Variants in CNTN2 observed in about 807,000 individuals in gnomAD.
CNTN2 encodes the protein contactin 2.
In CNTN2, 53 loss-of-function variants were observed where a neutral mutation model predicts 117.5. The ratio of observed to expected loss-of-function variants is 0.45; its 90% confidence interval spans 0.36 to 0.57. The LOEUF (loss-of-function observed/expected upper bound fraction) is 0.57, where lower values mean the gene tolerates loss of function less well. Among genes scored for constraint, CNTN2 ranks in the 20% least tolerant of loss-of-function variants. The pLI is 0.00. For synonymous variants in CNTN2, 530 were observed against 561.7 expected (o/e 0.94, Z 0.80); for missense variants, 1,106 against 1,404.3 (o/e 0.79, Z 3.39).
chr1:205,047,614 T>G (rs1394727849), intron 1 of CNTN2, among the ~76,000 whole-genome samples: 1 of 152,120 alleles, frequency 6.6e-6, no homozygotes, highest in Non-Finnish European at 1.5e-5. Flanking sequence ...GCTGTGCTAG[T>G]GCTTACCTAT....
At chr1:205,069,374 C>A in intron 16 of CNTN2, 117 bp from the exon 17 acceptor site, 1 of 960,812 alleles carries the variant, frequency 1.0e-6, no homozygotes. Context: ...GGGGGGCAAA[C>A]CCAGGGCCCA....
rs1036062286 is a variant in CNTN2 at position 205,077,955 on chromosome 1, T to A, written c.*4190T>A. ...ACTTCTTGTAATGATAGTTATTTAT[T>A]GACTCTGGTAGCAGGCAGTTCTTAA... On this transcript the variant is annotated 3_prime_UTR_variant, in exon 23 of 23. Coordinates refer to ENST00000331830, the MANE Select transcript of CNTN2 (RefSeq NM_005076.5). The A allele has an allele frequency of 6.6e-6, 1 of 152,202 alleles. No homozygotes were observed. The highest frequency in any genetic ancestry group is 1.5e-5 in the Non-Finnish European group (1 of 68,050). 9.4% of individuals were successfully genotyped at this position (152,202 alleles called of 1,614,324 possible). A position where few individuals can be genotyped will look rare whatever the true frequency, so the allele number is the denominator to read the frequency against.
chr1:205,059,024 A>AC lies in CNTN2; in HGVS notation c.488-57dup, dbSNP rs57918586. 226,945 of 1,497,916 alleles carry AC rather than the reference A, an allele frequency of 0.15. 21,928 individuals carry two copies. Among genetic ancestry groups the AC allele is most frequent in the East Asian group, 0.46 (19,952 of 43,524 alleles). The allele number at this position is 1,497,916 out of a possible 1,614,324, so 92.8% of individuals were successfully genotyped here. On this transcript the variant is annotated intron_variant, in intron 5 of 22. Coordinates refer to ENST00000331830, the MANE Select transcript of CNTN2 (RefSeq NM_005076.5). The surrounding 1 kb of genome is among the most constrained non-coding windows in gnomAD (Gnocchi z 5.6). Reference sequence around the variant, plus strand: ...AACCGCACCAGCATGCTGGGGTCCCACCCAGAGTGGCCCTGTTAGCCCAGC... The same window carrying AC: ...AACCGCACCAGCATGCTGGGGTCCCACCCCAGAGTGGCCCTGTTAGCCCAGC...
At chr1:205,063,521 C>T (rs950161141) in intron 10 of CNTN2, 2 of 151,592 alleles carry the variant, frequency 1.3e-5, no homozygotes, top group Non-Finnish European at 2.9e-5. Context: ...CCCAGCTACA[C>T]AGGAGGCTGA....
Position 205,048,096 on chromosome 1 carries a change from T to C in CNTN2, c.-87+4702T>C, listed in dbSNP as rs554453286. Among the ~76,000 whole-genome samples the C allele has an allele frequency of 3.4e-4, 52 of 152,216 alleles. No homozygotes were observed. Among genetic ancestry groups the C allele is most frequent in the African/African-American group, 1.2e-3 (51 of 41,530 alleles). ...CCTCAAGTACTTTGTAGGCTGATAA[T>C]AAATCACTTAGTCTCTGCCCACAGC... On this transcript the variant is annotated intron_variant, in intron 1 of 22. Coordinates refer to ENST00000331830, the MANE Select transcript of CNTN2 (RefSeq NM_005076.5). This position sits in a 1 kb window ranked among gnomAD's most constrained non-coding sequence, Gnocchi z 4.1.
chr1:205,044,412 A>T (rs1461627642), intron 1 of CNTN2, among the ~76,000 whole-genome samples: 3 of 142,066 alleles, frequency 2.1e-5, no homozygotes, highest in Non-Finnish European at 4.5e-5. Flanking sequence ...GGGGATGGAG[A>T]CGGGCACCCT....
At position 205,062,019 on chromosome 1, in the gene CNTN2, TC is replaced by T; in HGVS notation, c.1110+23del. ...CCTCCCAGGTAGGAGACATGGGGCT[TC>T]CCCCGACACATCACAACTGTCCTCT... On this transcript the variant is annotated intron_variant, in intron 9 of 22. Coordinates refer to ENST00000331830, the MANE Select transcript of CNTN2 (RefSeq NM_005076.5). 6.2e-7 allele frequency: 1 copy of T among 1,610,832 alleles called. No individual in the cohort carries two copies. The highest frequency in any genetic ancestry group is 8.5e-7 in the Non-Finnish European group (1 of 1,178,946).
At position 205,058,240 on chromosome 1, in the gene CNTN2, G is replaced by A; in HGVS notation, c.275G>A (p.Gly92Glu). Reference protein sequence around the residue: ...LEPGSRHQLVGGNLVIMNPTK... With the variant: ...LEPGSRHQLVEGNLVIMNPTK... ...CCAGGTTCCCGTCACCAGCTGGTGG[G>A]GGGCAACCTGGTCATCATGAACCCC... Residue 92 changes from glycine (G) to glutamate (E), a missense_variant, in exon 4 of 23, where the codon GGG (glycine) becomes GAG (glutamate). Transcript: ENST00000331830. The surrounding 1 kb of genome is among the most constrained non-coding windows in gnomAD (Gnocchi z 4.3). The A allele has an allele frequency of 6.4e-7, 1 of 1,559,712 alleles. No homozygotes were observed. Among genetic ancestry groups the A allele is most frequent in the Non-Finnish European group, 8.7e-7 (1 of 1,154,116 alleles).
At position 205,061,589 on chromosome 1, in the gene CNTN2, G is replaced by A; in HGVS notation, c.973+169G>A. The stretch of plus-strand genomic sequence containing the variant: ...TCTGGGACCAGAGGAGGCTAGTGCT[G>A]TGGTCACCTCAGAGCTTCAGTCAGG... On this transcript the variant is annotated intron_variant, in intron 8 of 22. Transcript: ENST00000331830. This position sits in a 1 kb window ranked among gnomAD's most constrained non-coding sequence, Gnocchi z 4.8. 1 of 862,142 alleles carries A rather than the reference G, an allele frequency of 1.2e-6. No individual in the cohort carries two copies. The allele number at this position is 862,142 out of a possible 1,614,324, so 53.4% of individuals were successfully genotyped here.
chr1:205,057,705 TTAAG>T (rs1244955474), intron 2 of CNTN2: 1 of 474,528 alleles, frequency 2.1e-6, no homozygotes, highest in African/African-American at 2.0e-5. Context: ...TTTAAATTAA[TTAAG>T]TAATATAAAA....
In CNTN2 at chr1:205,073,166, G is replaced by A; in HGVS notation, c.2943G>A (p.Leu981=). ...IPVPEDIGHA[L]VQIRTTGPGG... ...TGCCTGAAGACATTGGCCATGCCCT[G>A]GTACAAATTCGGACCACAGGGCCCG... The change falls in exon 22 of 23, where the codon CTG becomes CTA. Residue 981 remains leucine, a synonymous_variant. Transcript: ENST00000331830. This position sits in a 1 kb window ranked among gnomAD's most constrained non-coding sequence, Gnocchi z 6.3. The A allele has an allele frequency of 6.2e-7, 1 of 1,614,110 alleles. No individual in the cohort carries two copies. The highest frequency in any genetic ancestry group is 8.5e-7 in the Non-Finnish European group (1 of 1,180,002).
In CNTN2 at chr1:205,058,596, A is replaced by T; in HGVS notation, c.420A>T (p.Arg140=). 6.2e-7 allele frequency: 1 copy of T among 1,613,946 alleles called. No homozygotes were observed. Among genetic ancestry groups the T allele is most frequent in the Non-Finnish European group, 8.5e-7 (1 of 1,179,988 alleles). ...GFLQEFSKEE[R]DPVKAHEGWG... ...TGCAGGAATTCTCCAAGGAGGAGCG[A>T]GACCCAGTGAAAGCTCATGAAGGCT... The change falls in exon 5 of 23, where the codon CGA becomes CGT. Residue 140 remains arginine (R), a synonymous_variant. Transcript: ENST00000331830. The surrounding 1 kb of genome is among the most constrained non-coding windows in gnomAD (Gnocchi z 4.3).
In CNTN2 at chr1:205,058,499, G is replaced by A. The variant is rs2151189540; in HGVS notation, c.392-69G>A. ...CCTTAGTGAACTGCTGCTTCTCCGT[G>A]AAGGATGAGTCGGGGAGGGGCTCGC... On this transcript the variant is annotated intron_variant, in intron 4 of 22. Coordinates refer to ENST00000331830, the MANE Select transcript of CNTN2 (RefSeq NM_005076.5). This position sits in a 1 kb window ranked among gnomAD's most constrained non-coding sequence, Gnocchi z 4.3. The A allele has an allele frequency of 6.3e-7, 1 of 1,577,944 alleles. No individual in the cohort carries two copies. Among genetic ancestry groups the A allele is most frequent in the East Asian group, 2.3e-5 (1 of 44,374 alleles).
In CNTN2 at chr1:205,059,417, C is replaced by A; in HGVS notation, c.697+124C>A. On this transcript the variant is annotated intron_variant, in intron 6 of 22. Coordinates refer to ENST00000331830, the MANE Select transcript of CNTN2 (RefSeq NM_005076.5). This position sits in a 1 kb window ranked among gnomAD's most constrained non-coding sequence, Gnocchi z 5.6. ...AGGGCACTGATTCCAGGCCCTGGAC[C>A]CCCAGATCCTCCTGCTTCAAATCCT... The A allele has an allele frequency of 8.6e-7, 1 of 1,165,426 alleles. No individual in the cohort carries two copies. The highest frequency in any genetic ancestry group is 1.2e-6 in the Non-Finnish European group (1 of 807,268). 72.2% of individuals were successfully genotyped at this position (1,165,426 alleles called of 1,614,324 possible). A position where few individuals can be genotyped will look rare whatever the true frequency, so the allele number is the denominator to read the frequency against.
intron 15 of CNTN2, 104 bp from the exon 16 acceptor site, chr1:205,066,997 G>A (rs983986460): frequency 3.8e-5 from 54 of 1,405,814 alleles, no homozygotes; most frequent in Non-Finnish European, 5.0e-5. Context: ...GGCAAGTACC[G>A]AAGTGAGGGC....
At position 205,058,001 on chromosome 1, in the gene CNTN2, G is replaced by A; in HGVS notation, c.151G>A (p.Glu51Lys). The change falls in exon 3 of 23, where the codon GAG becomes AAG. Residue 51 changes from glutamate (E) to lysine (K), a missense_variant. By Grantham distance (56) the Glu-to-Lys change is moderately conservative (BLOSUM62 1). Transcript: ENST00000331830. This position sits in a 1 kb window ranked among gnomAD's most constrained non-coding sequence, Gnocchi z 4.3. ...GCCCCTCAGTGTGCTATTCCCAGAGGAGTCCACGGAGGAGCAGGTGTTGCT... is the reference window on the plus strand; with the variant it reads ...GCCCCTCAGTGTGCTATTCCCAGAGAAGTCCACGGAGGAGCAGGTGTTGCT... ...DQPLSVLFPE[E>K]STEEQVLLAC... The A allele has an allele frequency of 3.1e-6, 5 of 1,614,174 alleles. No individual in the cohort carries two copies. Among genetic ancestry groups the A allele is most frequent in the Non-Finnish European group, 4.2e-6 (5 of 1,180,038 alleles).
In CNTN2 at chr1:205,073,209, G is replaced by A. The variant is rs1427491899; in HGVS notation, c.2986G>A (p.Ala996Thr). The A allele has an allele frequency of 2.5e-6, 4 of 1,614,030 alleles. No individual in the cohort carries two copies. Among genetic ancestry groups the A allele is most frequent in the Admixed American group, 3.3e-5 (2 of 60,024 alleles). ...TTGPGGDGIP[A>T]EVHIVRNGGT... Reference sequence around the variant, plus strand: ...AGGGCCCGGAGGGGATGGGATCCCTGCAGAAGTCCACATCGTGAGGAATGG... The same window carrying A: ...AGGGCCCGGAGGGGATGGGATCCCTACAGAAGTCCACATCGTGAGGAATGG... Residue 996 changes from alanine (A) to threonine (T), a missense_variant, in exon 22 of 23, where the codon GCA (alanine) becomes ACA (threonine). By Grantham distance (58) the Ala-to-Thr change is moderately conservative. Coordinates refer to ENST00000331830, the MANE Select transcript of CNTN2 (RefSeq NM_005076.5). This position sits in a 1 kb window ranked among gnomAD's most constrained non-coding sequence, Gnocchi z 6.3.
At chr1:205,064,888 C>T in intron 12 of CNTN2, 138 bp downstream of exon 12, 3 of 1,339,920 alleles carry the variant, frequency 2.2e-6, no homozygotes, top group Non-Finnish European at 3.1e-6. Flanking sequence ...TTGGGACCAC[C>T]CCCTGGCCAC....
intron 14 of CNTN2, chr1:205,066,118 T>C (rs1654277126): frequency 4.4e-6 from 3 of 681,604 alleles, no homozygotes; most frequent in East Asian, 2.8e-5. Context: ...GTTTAAAAAA[T>C]CCACTCCTAA....
Sources: allele counts gnomAD v4.1 joint callset (sites outside exome capture counted in the v4.1 genomes callset), GRCh38; gene constraint gnomAD v4.1.1; non-coding constraint Gnocchi (gnomAD v3.1); transcripts MANE v1.5; gene names NCBI Gene and HGNC (gene_info 2026-07-23, HGNC 2026-07-21).